DLG5: variants seen among roughly 807,000 people sequenced by gnomAD.
DLG5 encodes disks large homolog 5.
A neutral mutation model predicts 189.8 loss-of-function variants in DLG5; 48 were observed. That is an observed-to-expected ratio of 0.25 (90% CI 0.20 to 0.32). The LOEUF is 0.32. Among genes scored for constraint, DLG5 ranks in the 10% least tolerant of loss-of-function variants. The pLI is 1.00. For missense variants in DLG5, 2,160 were observed against 2,544.7 expected (o/e 0.85, Z 3.25); for synonymous variants, 1,016 against 1,054.1 (o/e 0.96, Z 0.70).
chr10:77,825,261 G>A (rs551691098), intron 13 of DLG5, among the ~76,000 whole-genome samples: 1 of 152,200 alleles, frequency 6.6e-6, no homozygotes, highest in South Asian at 2.1e-4. Context: ...GAGGGAGCAG[G>A]GGGTGTTACT....
Position 77,809,738 on chromosome 10 carries a change from G to A in DLG5, c.4464-8C>T. 6.2e-7 allele frequency: 1 copy of A among 1,605,342 alleles called. No individual in the cohort carries two copies. The highest frequency in any genetic ancestry group is 2.2e-5 in the East Asian group (1 of 44,736). On this transcript the variant is annotated splice_region_variant and splice_polypyrimidine_tract_variant and intron_variant, in intron 23 of 31. Transcript: ENST00000372391. The stretch of plus-strand genomic sequence containing the variant: ...TTGGCATCTCCCGCAATCCTTTCAG[G>A]AAAAAAACAAAGTTCCTCAACTGTG...
chr10:77,863,473 A>AGATGAGGACCAACCT (rs1393442532), intron 2 of DLG5, among the ~76,000 whole-genome samples: 2 of 152,188 alleles, frequency 1.3e-5, no homozygotes, highest in East Asian at 3.8e-4. Flanking sequence ...ACAGGTAAAG[A>AGATGAGGACCAACCT]GATGAGGACC....
chr10:77,937,641 A>G, the DLG5 span, among the ~76,000 whole-genome samples: 2 of 150,138 alleles, frequency 1.3e-5, no homozygotes, highest in Non-Finnish European at 3.0e-5. Context: ...CCTTGTTCCC[A>G]CCTACCCCAC....
intron 1 of DLG5, among the ~76,000 whole-genome samples, chr10:77,915,342 T>C (rs867489901): frequency 1.4e-5 from 2 of 148,144 alleles, no homozygotes; most frequent in African/African-American, 2.5e-5. Flanking sequence ...AAAAAAAAAA[T>C]AGGAACGTTT....
chr10:77,849,028 G>A (rs1589213089), intron 5 of DLG5, among the ~76,000 whole-genome samples: 1 of 152,326 alleles, frequency 6.6e-6, no homozygotes, highest in South Asian at 2.1e-4. Flanking sequence ...AATCCAAGAA[G>A]GTGCACTCGG....
At chr10:77,936,446 CAAAAAAAAA>C in the DLG5 span, among the ~76,000 whole-genome samples, 4 of 52,132 alleles carry the variant, frequency 7.7e-5, no homozygotes, top group Admixed American at 2.3e-4. Context: ...CAAAACAAAA[CAAAAAAAAA>C]AAAAAAAAAA....
intron 9 of DLG5, 101 bp from the exon 10 acceptor site, chr10:77,830,974 A>C: frequency 7.3e-7 from 1 of 1,374,814 alleles, no homozygotes; most frequent in Non-Finnish European, 9.8e-7. Flanking sequence ...GAAACAGCTA[A>C]AATGGGTTCC....
chr10:77,841,351 G>C (rs1398313904), intron 7 of DLG5, among the ~76,000 whole-genome samples: 2 of 152,192 alleles, frequency 1.3e-5, no homozygotes, highest in Admixed American at 6.5e-5. Context: ...CAGAGAGCAA[G>C]GCTTTAGGAG....
chr10:77,840,490 G>C (rs911105281), intron 7 of DLG5, among the ~76,000 whole-genome samples: 2 of 152,204 alleles, frequency 1.3e-5, no homozygotes, highest in Admixed American at 1.3e-4. Context: ...GGCCGAGGCG[G>C]AAGGATCGCT....
At chr10:77,829,279 G>C in intron 12 of DLG5, 76 bp downstream of exon 12, 1 of 1,593,470 alleles carries the variant, frequency 6.3e-7, no homozygotes, top group South Asian at 1.1e-5. Flanking sequence ...GTGCTCTAAG[G>C]GGCACCCCCG....
intron 1 of DLG5, among the ~76,000 whole-genome samples, chr10:77,903,053 T>A (rs568346484): frequency 6.6e-6 from 1 of 152,230 alleles, no homozygotes; most frequent in Non-Finnish European, 1.5e-5. Flanking sequence ...CAACATGAGA[T>A]AGTAACACCT....
At chr10:77,811,706 G>A (rs1284829145) in intron 22 of DLG5, among the ~76,000 whole-genome samples, 1 of 152,140 alleles carries the variant, frequency 6.6e-6, no homozygotes, top group Non-Finnish European at 1.5e-5. Flanking sequence ...TGGTCAGGGG[G>A]ACCACAGCCA....
the DLG5 span, among the ~76,000 whole-genome samples, chr10:77,936,435 T>TCAAAA: frequency 1.9e-5 from 2 of 106,692 alleles, no homozygotes; most frequent in Non-Finnish European, 3.8e-5. Context: ...AGACTCCGTC[T>TCAAAA]CAAAACAAAA....
At chr10:77,832,519 A>G (rs1842932677) in intron 9 of DLG5, among the ~76,000 whole-genome samples, 1 of 152,184 alleles carries the variant, frequency 6.6e-6, no homozygotes, top group Non-Finnish European at 1.5e-5. Flanking sequence ...ACACTGCCCC[A>G]GCCCCTCCCC....
chr10:77,838,471 G>A (rs1235848800), intron 7 of DLG5, among the ~76,000 whole-genome samples: 2 of 152,176 alleles, frequency 1.3e-5, no homozygotes, highest in African/African-American at 2.4e-5. Context: ...CTGGGAAGAA[G>A]AAGGCGAGGG....
chr10:77,818,912 A>G (rs1017294763), intron 17 of DLG5, among the ~76,000 whole-genome samples: 1 of 152,228 alleles, frequency 6.6e-6, no homozygotes, highest in African/African-American at 2.4e-5. Context: ...GTGCTCAAAA[A>G]ATATCTGTCA....
chr10:77,819,545 C>A, intron 16 of DLG5, 80 bp from the exon 17 acceptor site: 1 of 1,506,652 alleles, frequency 6.6e-7, no homozygotes. Context: ...CCCCTGTATC[C>A]CAGGACGCAG....
In DLG5 at chr10:77,806,718, A is replaced by AGGCCCCCCCCC; in HGVS notation, c.4967+39_4967+40insGGGGGGGGGCC. ...GCTCCATGGCTGGTGGCCCTCGGCG[A>AGGCCCCCCCCC]CCCCTGCCCCACCCCACCCCAGGCC... On this transcript the variant is annotated intron_variant, in intron 26 of 31. Transcript: ENST00000372391. 952 of 1,333,158 alleles carry AGGCCCCCCCCC rather than the reference A, an allele frequency of 7.1e-4. 1 individual carries two copies. The highest frequency in any genetic ancestry group is 9.2e-4 in the Non-Finnish European group (862 of 935,714). 82.6% of individuals were successfully genotyped at this position (1,333,158 alleles called of 1,614,324 possible).
At chr10:77,793,772 G>A in intron 31 of DLG5, 1 of 558,486 alleles carries the variant, frequency 1.8e-6, no homozygotes, top group Non-Finnish European at 3.2e-6. Flanking sequence ...AAAATGAGCA[G>A]GCAAGCCAGG....
Sources: gnomAD v4.1 joint callset for allele counts (sites outside exome capture counted in the v4.1 genomes callset) on GRCh38, gnomAD v4.1.1 for gene constraint, MANE v1.5 for transcripts, NCBI Gene and HGNC (gene_info 2026-07-23, HGNC 2026-07-21) for gene names.